The following FHL1 variants were observed in gnomAD, a reference collection of about 807,000 sequenced individuals.
FHL1 encodes the protein four and a half LIM domains 1.
Under a neutral mutation model 20.3 loss-of-function variants are expected in FHL1, and 1 was observed. That is an observed-to-expected ratio of 0.05 (90% CI 0.02 to 0.23). The LOEUF is 0.23. Among genes scored for constraint, FHL1 ranks in the 10% least tolerant of loss-of-function variants. FHL1 has a pLI of 1.00. For missense variants in FHL1, 177 were observed against 234.0 expected (o/e 0.76, Z 1.59); for synonymous variants, 82 against 88.9 (o/e 0.92, Z 0.44).
chrX:136,196,221 C>T (rs1174944499), upstream of FHL1, among the ~76,000 whole-genome samples: 1 of 111,463 alleles, frequency 9.0e-6, no homozygotes, highest in Non-Finnish European at 1.9e-5. Flanking sequence ...AGGGTAAGGC[C>T]AGAGAAGGAA....
intron 1 of FHL1, among the ~76,000 whole-genome samples, chrX:136,159,138 T>TA (rs112840298): frequency 0.055 from 5,068 of 92,495 alleles, 331 homozygotes; most frequent in African/African-American, 0.18. Flanking sequence ...CTAAAACTGC[T>TA]AAAAAAAAAA....
intron 5 of FHL1, chrX:136,209,432 C>T (rs762830333): frequency 1.7e-6 from 2 of 1,210,802 alleles, no homozygotes; most frequent in Non-Finnish European, 2.2e-6. Flanking sequence ...TTAGCAGCTC[C>T]TCGAGGCCCG....
chrX:136,173,769 G>A (rs990143588), intron 2 of FHL1, among the ~76,000 whole-genome samples: 1 of 104,555 alleles, frequency 9.6e-6, no homozygotes, highest in Admixed American at 1.1e-4. Flanking sequence ...CGTGATCTCC[G>A]CTCATTATAA....
intron 5 of FHL1, 93 bp downstream of exon 5, chrX:136,208,734 GC>G: frequency 3.3e-6 from 3 of 906,426 alleles, no homozygotes; most frequent in Non-Finnish European, 4.8e-6. Flanking sequence ...ATCCACAAAG[GC>G]CCCCAGAGAA....
At position 136,207,151 on chromosome X, in the gene FHL1, T is replaced by A. The variant is rs756434530; in HGVS notation, c.340T>A (p.Ser114Thr). 46 of 1,208,261 alleles carry A rather than the reference T, an allele frequency of 3.8e-5. No individual in the cohort carries two copies. The highest frequency in any genetic ancestry group is 1.1e-4 in the Admixed American group (5 of 45,852). The change falls in exon 3 of 6, where the codon TCC (serine) becomes ACC (threonine). Residue 114 changes from serine to threonine, a missense_variant. Coordinates refer to ENST00000370683, the MANE Select transcript of FHL1 (RefSeq NM_001159699.2). ...LCNKCTTRED[S>T]PKCKGCFKAI... ...CAACAAGTGCACCACTCGGGAGGAC[T>A]CCCCCAAGTGCAAGGGGTGCTTCAA...
At chrX:136,178,932 T>C (rs967356384) in intron 2 of FHL1, among the ~76,000 whole-genome samples, 9 of 110,671 alleles carry the variant, frequency 8.1e-5, no homozygotes, top group Non-Finnish European at 1.5e-4. Flanking sequence ...TTTTTTGGTA[T>C]TTTTAGTAGA....
chrX:136,163,929 G>GT (rs2072642614), intron 1 of FHL1, among the ~76,000 whole-genome samples: 2 of 112,034 alleles, frequency 1.8e-5, no homozygotes, highest in African/African-American at 6.5e-5. Context: ...TTGGCAATGA[G>GT]TAATTCAAGC....
chrX:136,172,664 T>G (rs1191670727), intron 2 of FHL1, among the ~76,000 whole-genome samples: 1 of 113,122 alleles, frequency 8.8e-6, no homozygotes, highest in African/African-American at 3.2e-5. Context: ...TTTAAAACGT[T>G]TGTTTGGAAT....
rs1167280811 is a variant in FHL1, at chrX:136,186,865, AATATAT to A, written c.-27+16897_-27+16902del. ...CGAGACTCCATCTCAAAAAAAAAAA[AATATAT>A]ATATATATATAGATAGATAGATAGA... On this transcript the variant is annotated intron_variant, in intron 2 of 6. Transcript: ENST00000394153. 1.6e-3 allele frequency among the ~76,000 whole-genome samples: 16 copies of A among 10,157 alleles called. 1 individual carries two copies. Among genetic ancestry groups the A allele is most frequent in the African/African-American group, 2.0e-3 (16 of 8,044 alleles). 8.8% of individuals were successfully genotyped at this position (10,157 alleles called of 115,157 possible). A position where few individuals can be genotyped will look rare whatever the true frequency, so the allele number is the denominator to read the frequency against.
At chrX:136,194,087 C>T (rs1425501943), upstream of FHL1, among the ~76,000 whole-genome samples, 1 of 111,123 alleles carries the variant, frequency 9.0e-6, no homozygotes, top group East Asian at 2.8e-4. Flanking sequence ...TCTTCAGGGA[C>T]CAGGTCAAAT....
intron 1 of FHL1, among the ~76,000 whole-genome samples, chrX:136,153,736 C>T (rs2072336913): frequency 8.9e-6 from 1 of 112,063 alleles, no homozygotes; most frequent in Non-Finnish European, 1.9e-5. Flanking sequence ...AAATTAATGA[C>T]AATATTTTGT....
chrX:136,147,422 C>A, upstream of FHL1: 1 of 105,865 alleles, frequency 9.4e-6, no homozygotes, highest in South Asian at 3.4e-4. Context: ...TAGCCGCGCC[C>A]GCCCCCGCGC....
chrX:136,195,458 G>A (rs764490951), upstream of FHL1, among the ~76,000 whole-genome samples: 7 of 112,305 alleles, frequency 6.2e-5, no homozygotes, highest in African/African-American at 1.9e-4. Context: ...GCTAATCTCC[G>A]CACCATAATT....
chrX:136,169,700 G>C (rs2072808355), exon 1 of FHL1: 1 of 314,362 alleles, frequency 3.2e-6, no homozygotes, highest in Admixed American at 3.3e-5. Flanking sequence ...CACTGCCAGT[G>C]CTCATGTTAT....
In FHL1 at chrX:136,197,269, C is replaced by G. The variant is rs2073581739; in HGVS notation, c.22+135C>G. On this transcript the variant is annotated intron_variant, in intron 1 of 5. Coordinates refer to ENST00000370683, the MANE Select transcript of FHL1 (RefSeq NM_001159699.2). ...ATAGTAAATAAATTATAGCTTGTCT[C>G]TGTTTTGCCTTTGCCTTTCATGCTA... 8 of 585,795 alleles carry G rather than the reference C, an allele frequency of 1.4e-5. No homozygotes were observed. The East Asian group carries it at 2.7e-4, about 20-fold the overall frequency. The allele number at this position is 585,795 out of a possible 1,213,427, so 48.3% of individuals were successfully genotyped here.
rs766498248 is a variant in FHL1, at chrX:136,210,729, G to A, written c.*704G>A. The A allele has an allele frequency of 2.1e-5, 8 of 387,662 alleles. No homozygotes were observed. Among genetic ancestry groups the A allele is most frequent in the South Asian group, 1.5e-4 (6 of 38,775 alleles). The allele number at this position is 387,662 out of a possible 1,213,427, so 31.9% of individuals were successfully genotyped here. Reference sequence around the variant, plus strand: ...GAAGTGTAGAAAGACCTGAGAAAACGAGCCTGTTTCAGAGGAACATCGTCA... The same window carrying A: ...GAAGTGTAGAAAGACCTGAGAAAACAAGCCTGTTTCAGAGGAACATCGTCA... On this transcript the variant is annotated 3_prime_UTR_variant, in exon 6 of 6. Coordinates refer to ENST00000370683, the MANE Select transcript of FHL1 (RefSeq NM_001159699.2).
At chrX:136,173,289 T>C (rs2072919949) in intron 2 of FHL1, among the ~76,000 whole-genome samples, 1 of 112,694 alleles carries the variant, frequency 8.9e-6, no homozygotes, top group Non-Finnish European at 1.9e-5. Flanking sequence ...ATCACTGACA[T>C]ATGGTCATTT....
At chrX:136,153,287 G>C (rs1569528252) in intron 1 of FHL1, among the ~76,000 whole-genome samples, 1 of 103,464 alleles carries the variant, frequency 9.7e-6, no homozygotes, top group African/African-American at 3.5e-5. Context: ...CGGGAGGTGG[G>C]GGGGGGCAGG....
intron 1 of FHL1, among the ~76,000 whole-genome samples, chrX:136,150,614 G>T (rs1434111902): frequency 1.8e-5 from 2 of 112,044 alleles, no homozygotes; most frequent in African/African-American, 3.2e-5. Flanking sequence ...GCAGAGAAAG[G>T]TTCTTTTTTG....
Sources: allele counts gnomAD v4.1 joint callset (sites outside exome capture counted in the v4.1 genomes callset), GRCh38; gene constraint gnomAD v4.1.1; transcripts MANE v1.5; gene names NCBI Gene and HGNC (gene_info 2026-07-23, HGNC 2026-07-21).